PTPRO: variants seen among roughly 807,000 people sequenced by gnomAD.
The protein encoded by PTPRO is protein tyrosine phosphatase receptor type O, also known as receptor-type tyrosine-protein phosphatase O.
PTPRO carries 62 observed loss-of-function variants against 145.2 expected under a neutral mutation model. That is an observed-to-expected ratio of 0.43 (90% CI 0.35 to 0.53). The LOEUF (loss-of-function observed/expected upper bound fraction) is 0.53, where lower values mean the gene tolerates loss of function less well. Ranked by LOEUF, PTPRO falls within the 20% of genes least tolerant of loss-of-function variation. The pLI is 0.01. For synonymous variants in PTPRO, 565 were observed against 514.7 expected (o/e 1.10, Z -1.32); for missense variants, 1,345 against 1,482.7 (o/e 0.91, Z 1.53).
At position 15,391,714 on chromosome 12, in the gene PTPRO, A is replaced by G. The variant is rs1027897183; in HGVS notation, c.75+68913A>G. Among the ~76,000 whole-genome samples the G allele has an allele frequency of 2.0e-5, 3 of 152,326 alleles. No homozygotes were observed. In the East Asian group the frequency reaches 5.8e-4, roughly 29 times the overall value. Reference sequence around the variant, plus strand: ...CAAGTGGTAGCTGTAGTTTCAACTTAAAGTGAGACAGAGTAAAGGTTCCAC... The same window carrying G: ...CAAGTGGTAGCTGTAGTTTCAACTTGAAGTGAGACAGAGTAAAGGTTCCAC... On this transcript the variant is annotated intron_variant, in intron 1 of 26. Transcript: ENST00000281171.
At chr12:15,474,349 C>G (rs918027977) in intron 1 of PTPRO, among the ~76,000 whole-genome samples, 1 of 152,118 alleles carries the variant, frequency 6.6e-6, no homozygotes, top group African/African-American at 2.4e-5. Context: ...CTTCTCTCCC[C>G]GAAGACTGCT....
At position 15,580,342 on chromosome 12, in the gene PTPRO, A is replaced by G. The variant is rs116568168; in HGVS notation, c.2997+227A>G. ...AAAGGTCCAGTGAAAGGGAAAGTAG[A>G]AAGGTTAAAGATCACCTCTCTTATG... On this transcript the variant is annotated intron_variant, in intron 21 of 26. Transcript: ENST00000281171. Among the ~76,000 whole-genome samples, 1,575 of 152,352 alleles carry G rather than the reference A, an allele frequency of 0.01. 29 individuals carry two copies. The highest frequency in any genetic ancestry group is 0.036 in the African/African-American group (1,498 of 41,578).
At chr12:15,478,804 TG>T (rs1941714320) in intron 1 of PTPRO, among the ~76,000 whole-genome samples, 1 of 152,076 alleles carries the variant, frequency 6.6e-6, no homozygotes, top group East Asian at 1.9e-4. Flanking sequence ...CCCGAGTAGC[TG>T]GGACTACAGG....
At chr12:15,514,894 C>T (rs1483199644) in intron 7 of PTPRO, among the ~76,000 whole-genome samples, 2 of 152,114 alleles carry the variant, frequency 1.3e-5, no homozygotes, top group Non-Finnish European at 2.9e-5. Flanking sequence ...TCCTGAGTAG[C>T]TGAGATTACA....
chr12:15,538,768 C>T (rs905991924), intron 12 of PTPRO, among the ~76,000 whole-genome samples: 3 of 152,170 alleles, frequency 2.0e-5, no homozygotes, highest in African/African-American at 7.2e-5. Context: ...GACTGGGTAA[C>T]TCGCTGATTG....
chr12:15,498,433 C>T (rs1591654958), intron 3 of PTPRO, among the ~76,000 whole-genome samples: 1 of 152,112 alleles, frequency 6.6e-6, no homozygotes, highest in African/African-American at 2.4e-5. Flanking sequence ...TGGCGGGCGC[C>T]TGTAGTCCCA....
intron 1 of PTPRO, among the ~76,000 whole-genome samples, chr12:15,360,109 G>C (rs1157647739): frequency 6.6e-6 from 1 of 152,088 alleles, no homozygotes; most frequent in Admixed American, 6.5e-5. Context: ...TCCCTCTATT[G>C]TGCTTTTCAA....
intron 19 of PTPRO, among the ~76,000 whole-genome samples, chr12:15,574,419 A>G (rs908897137): frequency 2.6e-5 from 4 of 152,232 alleles, no homozygotes; most frequent in Non-Finnish European, 4.4e-5. Flanking sequence ...TCATTCTGCT[A>G]TTAATGTCTG....
intron 13 of PTPRO, among the ~76,000 whole-genome samples, chr12:15,548,171 C>G (rs774192024): frequency 2.6e-5 from 4 of 151,656 alleles, no homozygotes; most frequent in Non-Finnish European, 5.9e-5. Context: ...ATCTCTTGAA[C>G]AGATGAAAAC....
chr12:15,565,429 T>A, intron 17 of PTPRO, 164 bp from the exon 18 acceptor site: 1 of 523,160 alleles, frequency 1.9e-6, no homozygotes, highest in Non-Finnish European at 3.5e-6. Context: ...AAATTATTAT[T>A]ATCTTCTCAT....
intron 1 of PTPRO, among the ~76,000 whole-genome samples, chr12:15,411,699 C>A (rs1274766750): frequency 6.6e-6 from 1 of 152,132 alleles, no homozygotes; most frequent in Non-Finnish European, 1.5e-5. Flanking sequence ...GTCTAAAGGA[C>A]AAAACTAAAT....
In PTPRO at chr12:15,506,682, T is replaced by G. The variant is rs148723976; in HGVS notation, c.1268-1889T>G. Among the ~76,000 whole-genome samples, 1,237 of 152,176 alleles carry G rather than the reference T, an allele frequency of 8.1e-3. 21 individuals are homozygous for G. Among genetic ancestry groups the G allele is most frequent in the African/African-American group, 0.028 (1,169 of 41,522 alleles). On this transcript the variant is annotated intron_variant, in intron 6 of 26. Transcript: ENST00000281171. ...TGAGAACAGCATAGGGGAAACCACC[T>G]CCATGATCCAATTACCTCCCATCAG... is the stretch of plus-strand genomic sequence containing the variant.
chr12:15,395,275 G>A (rs1472099407), intron 1 of PTPRO, among the ~76,000 whole-genome samples: 2 of 152,292 alleles, frequency 1.3e-5, no homozygotes, highest in African/African-American at 2.4e-5. Flanking sequence ...AGGCAATCGA[G>A]TTTAAATATT....
At chr12:15,338,892 G>C (rs1204248217) in intron 1 of PTPRO, among the ~76,000 whole-genome samples, 2 of 152,048 alleles carry the variant, frequency 1.3e-5, no homozygotes, top group Non-Finnish European at 2.9e-5. Context: ...CATGTATTAA[G>C]GTAAACATGT....
At chr12:15,516,383 G>A (rs573523746) in intron 8 of PTPRO, among the ~76,000 whole-genome samples, 5 of 142,224 alleles carry the variant, frequency 3.5e-5, no homozygotes, top group Admixed American at 1.4e-4. Flanking sequence ...AAGAACGAAC[G>A]AAAGAGAGAG....
At chr12:15,415,533 T>A (rs112162092) in intron 1 of PTPRO, among the ~76,000 whole-genome samples, 1 of 151,570 alleles carries the variant, frequency 6.6e-6, no homozygotes, top group African/African-American at 2.4e-5. Flanking sequence ...TACAGGCACC[T>A]GCCACCACAC....
intron 12 of PTPRO, 174 bp from the exon 13 acceptor site, chr12:15,546,395 C>T (rs1943289062): frequency 2.8e-6 from 4 of 1,436,196 alleles, no homozygotes; most frequent in Admixed American, 2.8e-5. Context: ...ATTCTGCCTT[C>T]CAAGTTAGAT....
chr12:15,358,327 TAC>T (rs1938064001), intron 1 of PTPRO, among the ~76,000 whole-genome samples: 1 of 151,562 alleles, frequency 6.6e-6, no homozygotes, highest in African/African-American at 2.4e-5. Flanking sequence ...GGCACATGTA[TAC>T]ATATGTAACT....
chr12:15,581,530 C>T (rs1016148492), intron 22 of PTPRO, 149 bp from the exon 23 acceptor site: 29 of 891,996 alleles, frequency 3.3e-5, no homozygotes, highest in East Asian at 3.0e-4. Context: ...ATTCACACTA[C>T]GTAGCAGAAA....
Sources: allele counts gnomAD v4.1 joint callset (sites outside exome capture counted in the v4.1 genomes callset), GRCh38; gene constraint gnomAD v4.1.1; transcripts MANE v1.5; gene names NCBI Gene and HGNC (gene_info 2026-07-23, HGNC 2026-07-21).